Variants in DAPK1 observed in about 807,000 individuals in gnomAD.
The protein encoded by DAPK1 is death associated protein kinase 1.
In DAPK1, 56 loss-of-function variants were observed where a neutral mutation model predicts 144.9. That is an observed-to-expected ratio of 0.39 (90% confidence interval 0.31 to 0.48). The LOEUF is 0.48. Ranked by LOEUF, DAPK1 falls within the 20% of genes least tolerant of loss-of-function variation. DAPK1 has a pLI of 0.95. For synonymous variants in DAPK1, 690 were observed against 749.0 expected, an observed-to-expected ratio of 0.92 and a Z score of 1.29; for missense variants, 1,454 against 1,875.4, an observed-to-expected ratio of 0.78 and a Z score of 4.15.
intron 2 of DAPK1, among the ~76,000 whole-genome samples, chr9:87,602,009 G>A (rs940821789): frequency 1.3e-5 from 2 of 152,158 alleles, no homozygotes; most frequent in Admixed American, 6.5e-5. Context: ...TTGTCCCCCA[G>A]GCATTGGCAG....
intron 2 of DAPK1, among the ~76,000 whole-genome samples, chr9:87,574,302 G>A (rs1827464993): frequency 6.6e-6 from 1 of 152,144 alleles, no homozygotes; most frequent in Non-Finnish European, 1.5e-5. Context: ...GCTAAAAATG[G>A]GTAATTCTAG....
intron 18 of DAPK1, among the ~76,000 whole-genome samples, chr9:87,663,111 G>A (rs1830923105): frequency 6.6e-6 from 1 of 151,832 alleles, no homozygotes; most frequent in Admixed American, 6.6e-5. Context: ...CTCAGCCAGG[G>A]GGACCTGAAC....
At chr9:87,612,258 G>A (rs1828956312) in intron 3 of DAPK1, among the ~76,000 whole-genome samples, 1 of 152,194 alleles carries the variant, frequency 6.6e-6, no homozygotes, top group Non-Finnish European at 1.5e-5. Context: ...TAGTATCTCA[G>A]AACATGACCT....
Position 87,500,623 on chromosome 9 carries a change from A to G in DAPK1, c.62+1484A>G, listed in dbSNP as rs1463726188. ...TAAGTATATTGACCTTATTTTCATT[A>G]TGATTTTTTGGTACCATTATGTGTT... On this transcript the variant is annotated intron_variant, in intron 2 of 25. Transcript: ENST00000408954. 5.3e-5 allele frequency among the ~76,000 whole-genome samples: 8 copies of G among 152,146 alleles called. No homozygotes were observed. The East Asian group carries it at 1.2e-3, about 22-fold the overall frequency.
intron 2 of DAPK1, among the ~76,000 whole-genome samples, chr9:87,601,655 AAC>A (rs1051860429): frequency 6.6e-6 from 1 of 152,040 alleles, no homozygotes; most frequent in African/African-American, 2.4e-5. Flanking sequence ...AATAATAGCT[AAC>A]AGTTACTGAA....
intron 2 of DAPK1, among the ~76,000 whole-genome samples, chr9:87,553,250 G>A (rs918872537): frequency 1.3e-5 from 2 of 150,652 alleles, no homozygotes; most frequent in Non-Finnish European, 3.0e-5. Flanking sequence ...ATGTGGGGGG[G>A]GTTGGGTGAT....
chr9:87,638,982 A>G (rs562061088), intron 4 of DAPK1, among the ~76,000 whole-genome samples: 1 of 152,330 alleles, frequency 6.6e-6, no homozygotes, highest in South Asian at 2.1e-4. Context: ...AATGGTGGAT[A>G]AAGACCCCAG....
intron 2 of DAPK1, among the ~76,000 whole-genome samples, chr9:87,567,560 A>T (rs1330156998): frequency 6.6e-6 from 1 of 152,130 alleles, no homozygotes; most frequent in African/African-American, 2.4e-5. Flanking sequence ...GTAGCCAGGG[A>T]ATTAGGCTCG....
At chr9:87,568,032 A>C (rs1827194365) in intron 2 of DAPK1, among the ~76,000 whole-genome samples, 1 of 152,244 alleles carries the variant, frequency 6.6e-6, no homozygotes, top group African/African-American at 2.4e-5. Flanking sequence ...TAGAAGACCA[A>C]AACTGTGATT....
At position 87,551,958 on chromosome 9, in the gene DAPK1, A is replaced by C. The variant is rs533086499; in HGVS notation, c.62+52819A>C. 5.9e-5 allele frequency among the ~76,000 whole-genome samples: 9 copies of C among 152,038 alleles called. No individual in the cohort carries two copies. In the South Asian group the frequency reaches 1.9e-3, roughly 32 times the overall value. On this transcript the variant is annotated intron_variant, in intron 2 of 25. Transcript: ENST00000408954. The stretch of plus-strand genomic sequence containing the variant: ...AGCCGGAATCTAGATCAACAACTAC[A>C]CTCTAGAATAATCTCAGCTGCCAGT...
intron 18 of DAPK1, among the ~76,000 whole-genome samples, chr9:87,660,640 T>G (rs985500671): frequency 6.6e-6 from 1 of 151,918 alleles, no homozygotes; most frequent in African/African-American, 2.4e-5. Context: ...TTCCCTCCCC[T>G]TCACCCCTCC....
intron 22 of DAPK1, among the ~76,000 whole-genome samples, chr9:87,697,916 T>G (rs577945689): frequency 1.3e-5 from 2 of 152,142 alleles, no homozygotes; most frequent in Non-Finnish European, 2.9e-5. Flanking sequence ...ATCGTGCCAC[T>G]GCACTTAGCC....
At chr9:87,621,281 C>T (rs1829284968) in intron 3 of DAPK1, among the ~76,000 whole-genome samples, 1 of 152,182 alleles carries the variant, frequency 6.6e-6, no homozygotes, top group South Asian at 2.1e-4. Flanking sequence ...TACTCCAGGG[C>T]CCCATGCAAT....
intron 20 of DAPK1, among the ~76,000 whole-genome samples, chr9:87,683,187 AT>A (rs1199162856): frequency 6.6e-6 from 1 of 150,702 alleles, no homozygotes; most frequent in African/African-American, 2.4e-5. Context: ...GGTTCAAGTG[AT>A]TCTCCTGCCT....
intron 2 of DAPK1, among the ~76,000 whole-genome samples, chr9:87,544,418 G>T (rs1039767520): frequency 1.3e-5 from 2 of 152,150 alleles, no homozygotes; most frequent in Non-Finnish European, 2.9e-5. Context: ...AGGGAAAAAT[G>T]TTATAGATAT....
chr9:87,595,438 A>G (rs935129294), intron 2 of DAPK1, among the ~76,000 whole-genome samples: 4 of 152,216 alleles, frequency 2.6e-5, no homozygotes, highest in Non-Finnish European at 5.9e-5. Context: ...AAGAGGTATC[A>G]TAGGAACAAG....
chr9:87,647,509 G>A (rs1411804732), intron 14 of DAPK1, 106 bp downstream of exon 14: 1 of 930,806 alleles, frequency 1.1e-6, no homozygotes, highest in Non-Finnish European at 1.7e-6. Flanking sequence ...AAAGGAATCA[G>A]GACCAGAATT....
At chr9:87,612,440 G>T (rs1252521001) in intron 3 of DAPK1, among the ~76,000 whole-genome samples, 1 of 152,144 alleles carries the variant, frequency 6.6e-6, no homozygotes, top group Non-Finnish European at 1.5e-5. Flanking sequence ...TAGGACAGAG[G>T]CATGGAGCAG....
Position 87,706,281 on chromosome 9 carries a change from G to A in DAPK1, c.3210G>A (p.Gln1070=). Residue 1070 remains glutamine (Q), a synonymous_variant, in exon 26 of 26, where the codon CAG becomes CAA. Transcript: ENST00000408954. The surrounding 1 kb of genome is among the most constrained non-coding windows in gnomAD (Gnocchi z 9.0). ...YRGRYTVEDI[Q]RLVPDSDVEE... ...GCCGCTACACCGTGGAGGACATCCA[G>A]CGCCTGGTGCCCGACAGCGACGTGG... is the stretch of plus-strand genomic sequence containing the variant. 6.2e-7 allele frequency: 1 copy of A among 1,613,126 alleles called. No homozygotes were observed. Among genetic ancestry groups the A allele is most frequent in the South Asian group, 1.1e-5 (1 of 90,936 alleles).
Sources: gnomAD v4.1 joint callset for allele counts (sites outside exome capture counted in the v4.1 genomes callset) on GRCh38, gnomAD v4.1.1 for gene constraint, Gnocchi (gnomAD v3.1) non-coding constraint, MANE v1.5 for transcripts, NCBI Gene and HGNC (gene_info 2026-07-23, HGNC 2026-07-21) for gene names.